Variants in ZNRF3 observed in about 807,000 individuals in gnomAD.
ZNRF3 encodes the protein zinc and ring finger 3.
Under a neutral mutation model 72.5 loss-of-function variants are expected in ZNRF3, and 23 were observed. The ratio of observed to expected loss-of-function variants is 0.32; its 90% confidence interval spans 0.23 to 0.45. The LOEUF is 0.45. Among genes scored for constraint, ZNRF3 ranks in the 20% least tolerant of loss-of-function variants. ZNRF3 has a pLI of 1.00. For synonymous variants in ZNRF3, 610 were observed against 545.3 expected, an observed-to-expected ratio of 1.12 and a Z score of -1.65; for missense variants, 1,169 against 1,272.1, an observed-to-expected ratio of 0.92 and a Z score of 1.23.
At chr22:28,908,505 G>T (rs2034254681) in intron 1 of ZNRF3, among the ~76,000 whole-genome samples, 1 of 152,198 alleles carries the variant, frequency 6.6e-6, no homozygotes, top group Non-Finnish European at 1.5e-5. Flanking sequence ...CAAGAGGGTT[G>T]AATTAGTAAC....
At chr22:28,995,655 A>G (rs565468628) in intron 2 of ZNRF3, among the ~76,000 whole-genome samples, 3 of 152,280 alleles carry the variant, frequency 2.0e-5, no homozygotes, top group African/African-American at 7.2e-5. Flanking sequence ...CTCTGATGAA[A>G]GTCAAAGCTC....
chr22:28,892,024 C>T (rs1201149663), intron 1 of ZNRF3, among the ~76,000 whole-genome samples: 4 of 152,218 alleles, frequency 2.6e-5, no homozygotes, highest in Non-Finnish European at 5.9e-5. Flanking sequence ...GTGTGAGACA[C>T]ACCTCCTTCC....
At chr22:29,046,948 G>C (rs768178614) in intron 6 of ZNRF3, 65 bp downstream of exon 6, 2 of 1,385,230 alleles carry the variant, frequency 1.4e-6, no homozygotes, top group Non-Finnish European at 1.9e-6. Flanking sequence ...AGGTGCCCAA[G>C]ACCTAGAAGG....
chr22:28,907,762 C>G (rs2034238980), intron 1 of ZNRF3, among the ~76,000 whole-genome samples: 1 of 152,172 alleles, frequency 6.6e-6, no homozygotes. Flanking sequence ...TTTTCCCTGC[C>G]CACAGCGCAT....
At chr22:28,909,358 ACCTCT>A (rs1483935743) in intron 1 of ZNRF3, among the ~76,000 whole-genome samples, 2 of 151,600 alleles carry the variant, frequency 1.3e-5, no homozygotes, top group Non-Finnish European at 2.9e-5. Context: ...TTAAGCATGG[ACCTCT>A]CCTGGGGGCG....
At chr22:28,997,932 A>G (rs766055273) in intron 2 of ZNRF3, among the ~76,000 whole-genome samples, 24 of 145,572 alleles carry the variant, frequency 1.6e-4, no homozygotes, top group Non-Finnish European at 3.0e-4. Flanking sequence ...TGAGCCCAGG[A>G]GTTCAAGGCT....
intron 1 of ZNRF3, among the ~76,000 whole-genome samples, chr22:28,919,385 A>G (rs1213008979): frequency 6.6e-6 from 1 of 152,190 alleles, no homozygotes; most frequent in Admixed American, 6.5e-5. Flanking sequence ...GATCTCATTT[A>G]TTCCTCATAA....
chr22:29,044,091 C>A (rs1392681164), intron 4 of ZNRF3, among the ~76,000 whole-genome samples: 1 of 152,186 alleles, frequency 6.6e-6, no homozygotes, highest in African/African-American at 2.4e-5. Context: ...AATATTGGGA[C>A]ATTCACAGTG....
chr22:28,927,325 G>A (rs531203962), intron 1 of ZNRF3, among the ~76,000 whole-genome samples: 1 of 152,252 alleles, frequency 6.6e-6, no homozygotes, highest in South Asian at 2.1e-4. Context: ...GGAGGCCAAG[G>A]CAGGCGAATC....
intron 2 of ZNRF3, among the ~76,000 whole-genome samples, chr22:29,016,825 C>T (rs1360733198): frequency 6.6e-6 from 1 of 152,190 alleles, no homozygotes; most frequent in East Asian, 1.9e-4. Context: ...GCACCTGTAG[C>T]ATGCTAGGGG....
At chr22:28,941,705 CCAAAGTCCTCAAGTGACCAGCA>C (rs1444586854) in intron 1 of ZNRF3, among the ~76,000 whole-genome samples, 6 of 152,006 alleles carry the variant, frequency 3.9e-5, no homozygotes, top group Non-Finnish European at 7.4e-5. Context: ...CACTTGAGGC[CCAAAGTCCTCAAGTGACCAGCA>C]TGGTGAAAGC....
chr22:28,969,956 T>C (rs1275269257), intron 1 of ZNRF3, among the ~76,000 whole-genome samples: 1 of 151,854 alleles, frequency 6.6e-6, no homozygotes, highest in Non-Finnish European at 1.5e-5. Context: ...TGGATGTGGG[T>C]AGGGGAGAAA....
Position 28,954,469 on chromosome 22 carries a change from T to C in ZNRF3, c.301-32607T>C, listed in dbSNP as rs1264752365. On this transcript the variant is annotated intron_variant, in intron 1 of 8. Coordinates refer to ENST00000544604, the MANE Select transcript of ZNRF3 (RefSeq NM_001206998.2). Reference sequence around the variant, plus strand: ...GACCCCACGCATCTCCAAGTGCATATTGGGGGAGTTAGGGCTTCAAAATAT... The same window carrying C: ...GACCCCACGCATCTCCAAGTGCATACTGGGGGAGTTAGGGCTTCAAAATAT... Among the ~76,000 whole-genome samples the C allele has an allele frequency of 4.6e-5, 7 of 152,154 alleles. No homozygotes were observed. In the East Asian group the frequency reaches 5.8e-4, roughly 13 times the overall value.
chr22:28,909,747 ATTTTTTTT>A (rs11432409), intron 1 of ZNRF3, among the ~76,000 whole-genome samples: 1 of 113,890 alleles, frequency 8.8e-6, no homozygotes, highest in African/African-American at 3.2e-5. Context: ...TGCCTGGCTA[ATTTTTTTT>A]TTTTTTTTTT....
intron 1 of ZNRF3, among the ~76,000 whole-genome samples, chr22:28,888,437 C>T (rs537107532): frequency 1.3e-5 from 2 of 152,360 alleles, no homozygotes; most frequent in Admixed American, 6.5e-5. Context: ...TGCCTACTGT[C>T]TTCTCAGATG....
intron 5 of ZNRF3, among the ~76,000 whole-genome samples, chr22:29,045,690 T>C (rs993567733): frequency 6.6e-6 from 1 of 152,160 alleles, no homozygotes; most frequent in Non-Finnish European, 1.5e-5. Context: ...TTGGCCAGCC[T>C]GGTCTCAAAC....
intron 1 of ZNRF3, among the ~76,000 whole-genome samples, chr22:28,895,230 GA>G (rs1422448099): frequency 6.6e-6 from 1 of 152,204 alleles, no homozygotes; most frequent in Non-Finnish European, 1.5e-5. Flanking sequence ...CCCTTGATGT[GA>G]CCAGAGGGCT....
chr22:28,978,280 T>C (rs1212348948), intron 1 of ZNRF3, among the ~76,000 whole-genome samples: 2 of 152,194 alleles, frequency 1.3e-5, no homozygotes, highest in Non-Finnish European at 2.9e-5. Context: ...ACAATCACCC[T>C]GGTTATTGTG....
At chr22:28,922,987 C>T (rs781623850) in intron 1 of ZNRF3, among the ~76,000 whole-genome samples, 53 of 152,240 alleles carry the variant, frequency 3.5e-4, no homozygotes, top group Admixed American at 5.2e-4. Flanking sequence ...GCTGTACATC[C>T]AGTAAGGAGA....
Sources: allele counts gnomAD v4.1 joint callset (sites outside exome capture counted in the v4.1 genomes callset), GRCh38; gene constraint gnomAD v4.1.1; transcripts MANE v1.5; gene names NCBI Gene and HGNC (gene_info 2026-07-23, HGNC 2026-07-21).